The following MMP26 variants were observed in gnomAD, a reference collection of about 807,000 sequenced individuals.
The protein encoded by MMP26 is matrix metalloproteinase-26.
Under a neutral mutation model 31.0 loss-of-function variants are expected in MMP26, and 33 were observed. The observed-to-expected ratio is 1.06, with a 90% confidence interval of 0.81 to 1.42. MMP26 has a LOEUF of 1.42. MMP26 is among the 40% of genes most tolerant of loss of function. MMP26 has a pLI of 0.00. For missense variants in MMP26, 347 were observed against 316.1 expected (o/e 1.10, Z -0.74); for synonymous variants, 122 against 114.9 (o/e 1.06, Z -0.40).
At chr11:4,858,062 G>T (rs1007069785) in intron 2 of MMP26, among the ~76,000 whole-genome samples, 1 of 152,086 alleles carries the variant, frequency 6.6e-6, no homozygotes, top group African/African-American at 2.4e-5. Context: ...ACTAGGTGTC[G>T]ATGGGACGTA....
chr11:4,751,221 G>A (rs1189980740), intron 1 of MMP26, among the ~76,000 whole-genome samples: 1 of 152,036 alleles, frequency 6.6e-6, no homozygotes, highest in Non-Finnish European at 1.5e-5. Flanking sequence ...CTATGTGAAA[G>A]GTGTTCTGCT....
intron 2 of MMP26, among the ~76,000 whole-genome samples, chr11:4,779,567 A>G (rs1428510007): frequency 6.6e-6 from 1 of 151,824 alleles, no homozygotes; most frequent in Non-Finnish European, 1.5e-5. Flanking sequence ...TTATTGTTCT[A>G]TTTTTCCCTT....
rs181879703 is a variant in MMP26, at chr11:4,774,705, G to A, written c.-145+7364G>A. On this transcript the variant is annotated intron_variant, in intron 2 of 7. Transcript: ENST00000380390. Reference sequence around the variant, plus strand: ...ATTTCATCATGAAATCTTTTCCTGTGCCTATGTCCTGAATGGTATTGCCTA... The same window carrying A: ...ATTTCATCATGAAATCTTTTCCTGTACCTATGTCCTGAATGGTATTGCCTA... 7.2e-5 allele frequency among the ~76,000 whole-genome samples: 11 copies of A among 152,174 alleles called. No homozygotes were observed. The East Asian group carries it at 1.9e-3, about 27-fold the overall frequency.
intron 1 of MMP26, among the ~76,000 whole-genome samples, chr11:4,708,993 G>C (rs1383208611): frequency 6.6e-6 from 1 of 151,870 alleles, no homozygotes; most frequent in East Asian, 1.9e-4. Context: ...CTGGTACTTA[G>C]TTTTATTTAT....
At chr11:4,893,230 TC>T (rs1850653742) in intron 2 of MMP26, among the ~76,000 whole-genome samples, 1 of 152,152 alleles carries the variant, frequency 6.6e-6, no homozygotes, top group South Asian at 2.1e-4. Flanking sequence ...GGTTTAATTA[TC>T]AAAATAAAAA....
intron 1 of MMP26, among the ~76,000 whole-genome samples, chr11:4,750,989 A>G (rs948050858): frequency 3.9e-5 from 6 of 152,072 alleles, no homozygotes; most frequent in African/African-American, 1.2e-4. Context: ...TCTGAGACCT[A>G]AAGTTCCATA....
intron 2 of MMP26, among the ~76,000 whole-genome samples, chr11:4,949,751 A>C (rs1377220592): frequency 1.6e-5 from 2 of 124,390 alleles, no homozygotes; most frequent in Non-Finnish European, 1.8e-5. Flanking sequence ...AATGTCATCA[A>C]AGCAGAAATT....
At chr11:4,843,144 T>A (rs1849819214) in intron 2 of MMP26, among the ~76,000 whole-genome samples, 1 of 152,222 alleles carries the variant, frequency 6.6e-6, no homozygotes, top group South Asian at 2.1e-4. Flanking sequence ...TGGCTTTGAG[T>A]GCTTGCAGCT....
At position 4,822,031 on chromosome 11, in the gene MMP26, G is replaced by A. The variant is rs539577774; in HGVS notation, c.-145+54690G>A. The A allele has an allele frequency of 2.5e-6, 4 of 1,613,896 alleles. No individual in the cohort carries two copies. The Admixed American group carries it at 5.0e-5, about 20-fold the overall frequency. ...GATCAACAGCATCCTTGGTCTGTTTGCGCTTTTGTCCACTACAGGGTTTGA... is the reference window on the plus strand; with the variant it reads ...GATCAACAGCATCCTTGGTCTGTTTACGCTTTTGTCCACTACAGGGTTTGA... On this transcript the variant is annotated intron_variant, in intron 2 of 7. Transcript: ENST00000380390.
At chr11:4,879,122 T>C (rs958088626) in intron 2 of MMP26, among the ~76,000 whole-genome samples, 3 of 151,936 alleles carry the variant, frequency 2.0e-5, no homozygotes, top group African/African-American at 4.8e-5. Context: ...TAATCCCAGA[T>C]ACTGGGGAGG....
intron 2 of MMP26, chr11:4,803,592 G>A: frequency 4.3e-6 from 7 of 1,613,966 alleles, no homozygotes; most frequent in Non-Finnish European, 5.9e-6. Flanking sequence ...AGCGGTAGGT[G>A]AGGAAAGAAA....
chr11:4,889,382 C>CA (rs1381349707), intron 2 of MMP26, among the ~76,000 whole-genome samples: 1 of 152,054 alleles, frequency 6.6e-6, no homozygotes, highest in Non-Finnish European at 1.5e-5. Context: ...GGAATAATAA[C>CA]AAAAAATTAT....
intron 2 of MMP26, among the ~76,000 whole-genome samples, chr11:4,865,309 T>C (rs914926337): frequency 1.3e-5 from 2 of 152,122 alleles, no homozygotes; most frequent in African/African-American, 2.4e-5. Flanking sequence ...AAAAGGTGTA[T>C]TGCCAGTGTT....
At position 4,721,771 on chromosome 11, in the gene MMP26, G is replaced by A. The variant is rs145700982; in HGVS notation, c.-217+16726G>A. On this transcript the variant is annotated intron_variant, in intron 1 of 7. Coordinates refer to ENST00000380390, the MANE Select transcript of MMP26 (RefSeq NM_021801.5). The stretch of plus-strand genomic sequence containing the variant: ...TGACCAAAATGGACTGCATCATCAG[G>A]TTCTCTTGTGAGCTGACTTGGGGTT... Among the ~76,000 whole-genome samples the A allele has an allele frequency of 6.3e-3, 958 of 152,216 alleles. 9 individuals carry two copies. The highest frequency in any genetic ancestry group is 0.021 in the African/African-American group (888 of 41,544).
At chr11:4,972,226 C>T (rs530377672) in intron 2 of MMP26, among the ~76,000 whole-genome samples, 1 of 152,142 alleles carries the variant, frequency 6.6e-6, no homozygotes, top group South Asian at 2.1e-4. Context: ...TTGCTAAAAT[C>T]GAACAATATG....
chr11:4,872,012 G>A (rs1242955435), intron 2 of MMP26, among the ~76,000 whole-genome samples: 2 of 152,054 alleles, frequency 1.3e-5, no homozygotes, highest in African/African-American at 4.8e-5. Context: ...CTATATTTAA[G>A]CTTTAGTTTT....
chr11:4,746,349 A>G (rs1678165818), intron 1 of MMP26, among the ~76,000 whole-genome samples: 1 of 152,180 alleles, frequency 6.6e-6, no homozygotes, highest in Non-Finnish European at 1.5e-5. Flanking sequence ...TTCTTTATTG[A>G]GATTTCTTGA....
intron 2 of MMP26, among the ~76,000 whole-genome samples, chr11:4,811,006 A>G (rs1001292272): frequency 5.3e-5 from 8 of 152,234 alleles, no homozygotes; most frequent in Admixed American, 3.9e-4. Flanking sequence ...ATCAATATGT[A>G]TATGATAGAT....
intron 2 of MMP26, among the ~76,000 whole-genome samples, chr11:4,781,107 G>A (rs1028521184): frequency 6.6e-6 from 1 of 152,080 alleles, no homozygotes; most frequent in African/African-American, 2.4e-5. Flanking sequence ...CCAGCCAGGG[G>A]CTGGGGGTAG....
Sources: allele counts gnomAD v4.1 joint callset (sites outside exome capture counted in the v4.1 genomes callset), GRCh38; gene constraint gnomAD v4.1.1; transcripts MANE v1.5; gene names NCBI Gene and HGNC (gene_info 2026-07-23, HGNC 2026-07-21).